IL1R2: variants seen among roughly 807,000 people sequenced by gnomAD.
IL1R2 encodes interleukin-1 receptor type 2.
A neutral mutation model predicts 39.5 loss-of-function variants in IL1R2; 46 were observed. That is an observed-to-expected ratio of 1.16 (90% confidence interval 0.92 to 1.49). The LOEUF (loss-of-function observed/expected upper bound fraction) is 1.49, where lower values mean the gene tolerates loss of function less well. Among genes scored for constraint, IL1R2 ranks in the 40% most tolerant of loss-of-function variants. The pLI, the probability that IL1R2 is intolerant of heterozygous loss-of-function variation, is 0.00. For missense variants in IL1R2, 537 were observed against 502.0 expected (o/e 1.07, Z -0.67); for synonymous variants, 207 against 189.6 (o/e 1.09, Z -0.75).
At chr2:102,006,650 G>A (rs1051172150) in intron 1 of IL1R2, among the ~76,000 whole-genome samples, 4 of 152,236 alleles carry the variant, frequency 2.6e-5, no homozygotes, top group Non-Finnish European at 5.9e-5. Flanking sequence ...CCGTGGGCAG[G>A]CTTTTAGTCA....
intron 1 of IL1R2, among the ~76,000 whole-genome samples, chr2:102,001,663 T>C (rs572061990): frequency 6.6e-6 from 1 of 152,370 alleles, no homozygotes; most frequent in African/African-American, 2.4e-5. Flanking sequence ...AACCTGGTCA[T>C]GTATTTCTCT....
chr2:101,994,812 C>T (rs1242873031), intron 1 of IL1R2, among the ~76,000 whole-genome samples: 5 of 152,166 alleles, frequency 3.3e-5, no homozygotes, highest in South Asian at 2.1e-4. Context: ...TTTGTGCTGC[C>T]GGTCCATGGA....
chr2:102,026,113 A>G lies in IL1R2; in HGVS notation c.890A>G (p.Glu297Gly), dbSNP rs764160421. 3 of 1,596,280 alleles carry G rather than the reference A, an allele frequency of 1.9e-6. No homozygotes were observed. The highest frequency in any genetic ancestry group is 4.5e-5 in the East Asian group (2 of 44,732). The change falls in exon 8 of 9, where the codon GAA becomes GGA. Residue 297 changes from glutamate (E) to glycine (G), a missense_variant and splice_region_variant. Coordinates refer to ENST00000332549, the MANE Select transcript of IL1R2 (RefSeq NM_004633.4). ...GGRVTEGPRQ[E>G]YSENNENYIE... The stretch of plus-strand genomic sequence containing the variant: ...AAGTGAATGTTTTTTTAACTCAGGG[A>G]ATATTCAGAAAATAATGAGAACTAC...
chr2:102,021,928 C>T, intron 5 of IL1R2: 1 of 452,892 alleles, frequency 2.2e-6, no homozygotes, highest in Non-Finnish European at 4.1e-6. Context: ...TATCATAGAG[C>T]AAGGACTGAA....
intron 3 of IL1R2, among the ~76,000 whole-genome samples, chr2:102,011,565 A>G (rs768625832): frequency 1.1e-3 from 165 of 151,900 alleles, no homozygotes; most frequent in Non-Finnish European, 1.1e-3. Context: ...TCCTTTATGG[A>G]CTCTAAGTCC....
chr2:102,014,128 TC>T (rs1559421926), intron 3 of IL1R2, among the ~76,000 whole-genome samples: 2 of 152,184 alleles, frequency 1.3e-5, no homozygotes, highest in African/African-American at 4.8e-5. Flanking sequence ...TTTCAATATG[TC>T]TACTAAGCTT....
At position 102,016,052 on chromosome 2, in the gene IL1R2, G is replaced by A; in HGVS notation, c.513+1G>A. The A allele has an allele frequency of 1.3e-6, 2 of 1,588,968 alleles. No individual in the cohort carries two copies. The highest frequency in any genetic ancestry group is 1.7e-6 in the Non-Finnish European group (2 of 1,165,106). ...TGACGTGAAGATTCAATGGTACAAG[G>A]TACGGCTTTAAAAAATGCCATTTTA... On this transcript the variant is annotated splice_donor_variant, in intron 4 of 8. Coordinates refer to ENST00000332549, the MANE Select transcript of IL1R2 (RefSeq NM_004633.4). LOFTEE classifies it high-confidence loss of function.
At chr2:102,001,758 C>G (rs1229234570) in intron 1 of IL1R2, among the ~76,000 whole-genome samples, 1 of 152,036 alleles carries the variant, frequency 6.6e-6, no homozygotes, top group African/African-American at 2.4e-5. Context: ...ATTGTTTCAC[C>G]TTTGAATTTA....
chr2:102,020,235 C>T (rs1018824392), intron 5 of IL1R2, among the ~76,000 whole-genome samples: 2 of 152,348 alleles, frequency 1.3e-5, no homozygotes, highest in Non-Finnish European at 2.9e-5. Context: ...TAGCCTTGCA[C>T]ATCCAGTGGA....
At chr2:102,026,598 T>G (rs1484306673) in intron 8 of IL1R2, among the ~76,000 whole-genome samples, 1 of 152,206 alleles carries the variant, frequency 6.6e-6, no homozygotes, top group Non-Finnish European at 1.5e-5. Context: ...GGGTGGATTG[T>G]TCTTTATCCT....
intron 3 of IL1R2, among the ~76,000 whole-genome samples, chr2:102,013,524 CAAAAA>C (rs771727938): frequency 1.8e-4 from 1 of 5,688 alleles, no homozygotes; most frequent in African/African-American, 6.3e-4. Context: ...TCTATCACTG[CAAAAA>C]AAAAAAAAAA....
In IL1R2 at chr2:102,022,639, G is replaced by A. The variant is rs554456530; in HGVS notation, c.751+390G>A. Among the ~76,000 whole-genome samples, 4 of 152,256 alleles carry A rather than the reference G, an allele frequency of 2.6e-5. No homozygotes were observed. The East Asian group carries it at 5.8e-4, about 22-fold the overall frequency. On this transcript the variant is annotated intron_variant, in intron 6 of 8. Transcript: ENST00000332549. The stretch of plus-strand genomic sequence containing the variant: ...TTCACATCACCAAAACTTGGCTGGC[G>A]CTCTGCCTCTCTCTAAGACTCCATT...
intron 3 of IL1R2, 143 bp from the exon 4 acceptor site, chr2:102,015,728 C>G (rs1279914279): frequency 1.5e-6 from 1 of 654,548 alleles, no homozygotes; most frequent in Non-Finnish European, 2.6e-6. Context: ...TAAGTTGAAC[C>G]ATCTTATGTC....
chr2:102,020,758 C>T (rs552912740), intron 5 of IL1R2, among the ~76,000 whole-genome samples: 21 of 152,278 alleles, frequency 1.4e-4, no homozygotes, highest in Non-Finnish European at 2.8e-4. Context: ...CGTGGACCGG[C>T]ACGGTCCTGT....
rs1677246564 is a variant in IL1R2 at position 102,019,782 on chromosome 2, A to G, written c.658A>G (p.Ile220Val). Residue 220 changes from isoleucine (I) to valine (V), a missense_variant, in exon 5 of 9, where the codon ATC becomes GTC. Transcript: ENST00000332549. ...TFAHEGQQYN[I>V]TRSIELRIKK... ...TGCCCATGAAGGCCAGCAATACAACATCACTAGGAGTATTGAGCTACGCAT... is the reference window on the plus strand; with the variant it reads ...TGCCCATGAAGGCCAGCAATACAACGTCACTAGGAGTATTGAGCTACGCAT... 1.2e-5 allele frequency: 19 copies of G among 1,614,172 alleles called. No homozygotes were observed. The highest frequency in any genetic ancestry group is 1.5e-5 in the Non-Finnish European group (18 of 1,180,004).
intron 5 of IL1R2, among the ~76,000 whole-genome samples, chr2:102,020,362 C>A (rs763817891): frequency 1.3e-5 from 2 of 152,158 alleles, no homozygotes; most frequent in Non-Finnish European, 2.9e-5. Flanking sequence ...CTGTTTTGAG[C>A]AGTATTGGCT....
At chr2:102,008,780 G>A in intron 2 of IL1R2, 138 bp downstream of exon 2, 3 of 703,294 alleles carry the variant, frequency 4.3e-6, no homozygotes, top group Non-Finnish European at 5.0e-6. Context: ...GTTAGTACTT[G>A]AGAGCCCTAG....
At chr2:102,006,508 G>T (rs934040829) in intron 1 of IL1R2, among the ~76,000 whole-genome samples, 5 of 152,136 alleles carry the variant, frequency 3.3e-5, no homozygotes, top group African/African-American at 1.2e-4. Flanking sequence ...TGCGAGGGTC[G>T]GTTCCTCAAT....
intron 1 of IL1R2, among the ~76,000 whole-genome samples, chr2:102,000,630 A>G (rs1675808455): frequency 6.6e-6 from 1 of 152,118 alleles, no homozygotes; most frequent in African/African-American, 2.4e-5. Flanking sequence ...GTTTCAGAAG[A>G]CTGTTTGGGT....
Sources: gnomAD v4.1 joint callset for allele counts (sites outside exome capture counted in the v4.1 genomes callset) on GRCh38, gnomAD v4.1.1 for gene constraint, MANE v1.5 for transcripts, NCBI Gene and HGNC (gene_info 2026-07-23, HGNC 2026-07-21) for gene names.